FAF1: variants seen among roughly 807,000 people sequenced by gnomAD.
FAF1 encodes FAS-associated factor 1.
FAF1 carries 25 observed loss-of-function variants against 92.5 expected under a neutral mutation model. That is an observed-to-expected ratio of 0.27 (90% CI 0.20 to 0.38). The LOEUF is 0.38. Among genes scored for constraint, FAF1 ranks in the 10% least tolerant of loss-of-function variants. The pLI is 1.00. For synonymous variants in FAF1, 234 were observed against 273.2 expected (o/e 0.86, Z 1.42); for missense variants, 636 against 793.3 (o/e 0.80, Z 2.38).
At chr1:50,485,139 T>A (rs955769224) in intron 17 of FAF1, among the ~76,000 whole-genome samples, 9 of 151,640 alleles carry the variant, frequency 5.9e-5, no homozygotes, top group African/African-American at 2.2e-4. Flanking sequence ...TTATTTTTTT[T>A]AAATAGAGAT....
intron 17 of FAF1, among the ~76,000 whole-genome samples, chr1:50,482,561 A>C (rs1197109976): frequency 6.6e-6 from 1 of 152,198 alleles, no homozygotes; most frequent in East Asian, 1.9e-4. Flanking sequence ...TGCATGTTTA[A>C]CTTTACAAGA....
chr1:50,929,086 A>AG (rs1244566357), intron 1 of FAF1, among the ~76,000 whole-genome samples: 16 of 37,626 alleles, frequency 4.3e-4, no homozygotes, highest in South Asian at 3.7e-3. Context: ...AAAAAAAAAA[A>AG]AAAGAAAGAA....
At chr1:50,746,277 TATATATATATA>T (rs1659603042) in intron 4 of FAF1, among the ~76,000 whole-genome samples, 5 of 19,248 alleles carry the variant, frequency 2.6e-4, no homozygotes, top group African/African-American at 1.2e-3. Context: ...TATATATATA[TATATATATATA>T]TATATTTTTT....
At chr1:50,933,289 C>T (rs1645062569) in intron 1 of FAF1, among the ~76,000 whole-genome samples, 1 of 152,188 alleles carries the variant, frequency 6.6e-6, no homozygotes, top group African/African-American at 2.4e-5. Flanking sequence ...GTGCTTTTAA[C>T]AGTACCCAAG....
Position 50,475,543 on chromosome 1 carries a change from T to C in FAF1, c.1790A>G (p.Gln597Arg). The change falls in exon 18 of 19, where the codon CAG becomes CGG. Residue 597 changes from glutamine to arginine, a missense_variant. By Grantham distance (43) the Gln-to-Arg change is conservative (BLOSUM62 1). Around this residue, in one of 2 missense-constraint regions of FAF1, gnomAD observed 319 missense variants for 451.0 expected, o/e 0.71. Coordinates refer to ENST00000396153, the MANE Select transcript of FAF1 (RefSeq NM_007051.3). The stretch of plus-strand genomic sequence containing the variant: ...GGAAGCTACAAAATCAAAGACAATC[T>C]GGAGCTTGTTGCTGGCCAGGAAACG... ...ERRFLASNKLQIVFDFVASKG... is the reference protein window; with the variant it reads ...ERRFLASNKLRIVFDFVASKG... 2 of 1,614,164 alleles carry C rather than the reference T, an allele frequency of 1.2e-6. No individual in the cohort carries two copies. The highest frequency in any genetic ancestry group is 1.7e-6 in the Non-Finnish European group (2 of 1,179,998).
chr1:50,711,197 C>T (rs957342198), intron 6 of FAF1, among the ~76,000 whole-genome samples: 2 of 152,014 alleles, frequency 1.3e-5, no homozygotes, highest in African/African-American at 2.4e-5. Flanking sequence ...CATGAGCCAC[C>T]GCACCCAGCC....
intron 7 of FAF1, among the ~76,000 whole-genome samples, chr1:50,674,418 T>C (rs1656031069): frequency 6.6e-6 from 1 of 152,224 alleles, no homozygotes; most frequent in Non-Finnish European, 1.5e-5. Flanking sequence ...ATATTTATGC[T>C]TTAGTTCAAC....
At chr1:50,774,363 C>T (rs1042157450) in intron 4 of FAF1, among the ~76,000 whole-genome samples, 10 of 152,136 alleles carry the variant, frequency 6.6e-5, no homozygotes, top group African/African-American at 2.4e-4. Context: ...ATTTGCCAAA[C>T]ACTATACAGC....
Position 50,488,341 on chromosome 1 carries a change from C to G in FAF1, c.1653+2247G>C, listed in dbSNP as rs949423613. On this transcript the variant is annotated intron_variant, in intron 17 of 18. Coordinates refer to ENST00000396153, the MANE Select transcript of FAF1 (RefSeq NM_007051.3). ...CATTTGGAAAGAAAGAAAGTTTCAGCTCATGGTAAATTAGATAAATCATCA... is the reference window on the plus strand; with the variant it reads ...CATTTGGAAAGAAAGAAAGTTTCAGGTCATGGTAAATTAGATAAATCATCA... Among the ~76,000 whole-genome samples the G allele has an allele frequency of 3.5e-4, 53 of 152,172 alleles. 1 individual carries two copies. The highest frequency in any genetic ancestry group is 1.3e-3 in the African/African-American group (53 of 41,442).
At chr1:50,615,996 T>C (rs2124154655) in intron 8 of FAF1, among the ~76,000 whole-genome samples, 1 of 152,336 alleles carries the variant, frequency 6.6e-6, no homozygotes. Context: ...AGGTTTTACA[T>C]TTAAATCTTT....
chr1:50,703,282 A>G (rs1286555749), intron 7 of FAF1, among the ~76,000 whole-genome samples: 1 of 152,174 alleles, frequency 6.6e-6, no homozygotes, highest in Non-Finnish European at 1.5e-5. Context: ...CAATCAAACT[A>G]ACTTTCCAAT....
intron 1 of FAF1, among the ~76,000 whole-genome samples, chr1:50,865,262 C>T (rs1196515338): frequency 1.2e-4 from 19 of 152,050 alleles, no homozygotes; most frequent in East Asian, 1.9e-4. Context: ...AGTTCAACCA[C>T]TGTGGAAGAC....
At chr1:50,850,999 T>C (rs936091003) in intron 2 of FAF1, among the ~76,000 whole-genome samples, 1 of 152,166 alleles carries the variant, frequency 6.6e-6, no homozygotes, top group African/African-American at 2.4e-5. Flanking sequence ...TCAAGCTAAA[T>C]TGTAGGTTAG....
At chr1:50,530,861 T>C (rs757057373) in intron 15 of FAF1, among the ~76,000 whole-genome samples, 5 of 152,188 alleles carry the variant, frequency 3.3e-5, no homozygotes, top group Non-Finnish European at 5.9e-5. Context: ...CTGTTTGTCA[T>C]TGTTAGCTCT....
At chr1:50,610,741 C>G (rs1367313057) in intron 8 of FAF1, among the ~76,000 whole-genome samples, 1 of 152,072 alleles carries the variant, frequency 6.6e-6, no homozygotes, top group Non-Finnish European at 1.5e-5. Flanking sequence ...CATGGGAAGC[C>G]ACACCCCTCA....
chr1:50,779,618 T>C (rs1661088770), intron 4 of FAF1, among the ~76,000 whole-genome samples: 1 of 151,434 alleles, frequency 6.6e-6, no homozygotes, highest in Non-Finnish European at 1.5e-5. Flanking sequence ...TGTAAATGAA[T>C]ACAAAATTTT....
At chr1:50,917,847 T>C (rs1448695814) in intron 1 of FAF1, among the ~76,000 whole-genome samples, 3 of 152,148 alleles carry the variant, frequency 2.0e-5, no homozygotes, top group African/African-American at 7.2e-5. Context: ...ATGTTCGCAA[T>C]ACATTTATCT....
Position 50,490,670 on chromosome 1 carries a change from T to C in FAF1, c.1576-5A>G, listed in dbSNP as rs1489956155. On this transcript the variant is annotated splice_region_variant and splice_polypyrimidine_tract_variant and intron_variant, in intron 16 of 18. Transcript: ENST00000396153. Reference sequence around the variant, plus strand: ...CTCTCTCTCGTGAGCTTCCCTCTGTTGATAAAACAGAAAAGGAACAAGCAC... The same window carrying C: ...CTCTCTCTCGTGAGCTTCCCTCTGTCGATAAAACAGAAAAGGAACAAGCAC... 14 of 1,594,310 alleles carry C rather than the reference T, an allele frequency of 8.8e-6. No individual in the cohort carries two copies. The highest frequency in any genetic ancestry group is 6.7e-5 in the Admixed American group (4 of 59,956).
At chr1:50,890,552 G>T (rs1390201156) in intron 1 of FAF1, among the ~76,000 whole-genome samples, 2 of 152,142 alleles carry the variant, frequency 1.3e-5, no homozygotes, top group Non-Finnish European at 2.9e-5. Context: ...TGTAGAGCAG[G>T]CTTGGTGGTG....
Sources: gnomAD v4.1 joint callset for allele counts (sites outside exome capture counted in the v4.1 genomes callset) on GRCh38, gnomAD v4.1.1 for gene constraint, gnomAD v4.1.1 regional missense constraint, MANE v1.5 for transcripts, NCBI Gene and HGNC (gene_info 2026-07-23, HGNC 2026-07-21) for gene names.